Variants in IL23R observed in about 807,000 individuals in gnomAD.
The protein encoded by IL23R is interleukin-23 receptor.
IL23R carries 34 observed loss-of-function variants against 56.9 expected under a neutral mutation model. The ratio of observed to expected loss-of-function variants is 0.60; its 90% CI spans 0.45 to 0.80. IL23R has a LOEUF of 0.80. Among genes scored for constraint, IL23R ranks in the 30% least tolerant of loss-of-function variants. The pLI, the probability that IL23R is intolerant of heterozygous loss-of-function variation, is 0.00. For synonymous variants in IL23R, 230 were observed against 249.2 expected, an observed-to-expected ratio of 0.92 and a Z score of 0.73; for missense variants, 635 against 730.0, an observed-to-expected ratio of 0.87 and a Z score of 1.50.
downstream of IL23R, among the ~76,000 whole-genome samples, chr1:67,261,019 T>A (rs1407306243): frequency 1.3e-5 from 2 of 152,226 alleles, no homozygotes; most frequent in East Asian, 3.8e-4. Context: ...AATCAAGCAG[T>A]TAATTTTAAA....
intron 7 of IL23R, among the ~76,000 whole-genome samples, chr1:67,223,580 A>G (rs1650436207): frequency 6.6e-6 from 1 of 152,162 alleles, no homozygotes; most frequent in Non-Finnish European, 1.5e-5. Flanking sequence ...TGTAAAAGCA[A>G]TGTAAGTTTA....
chr1:67,204,049 A>G (rs1179838741), intron 5 of IL23R, among the ~76,000 whole-genome samples: 2 of 152,214 alleles, frequency 1.3e-5, no homozygotes, highest in South Asian at 2.1e-4. Flanking sequence ...TATGACATCT[A>G]TAATAAAATT....
intron 3 of IL23R, among the ~76,000 whole-genome samples, chr1:67,175,599 G>A (rs1199039849): frequency 6.6e-6 from 1 of 152,110 alleles, no homozygotes; most frequent in Non-Finnish European, 1.5e-5. Flanking sequence ...TTCCTTTAGG[G>A]TCTGTCTTAC....
chr1:67,154,204 C>T (rs1394579865), intron 1 of IL23R, among the ~76,000 whole-genome samples: 2 of 152,132 alleles, frequency 1.3e-5, no homozygotes, highest in Non-Finnish European at 2.9e-5. Context: ...GAATAAGTGT[C>T]ATGTGGCACT....
chr1:67,169,538 T>C lies in IL23R; in HGVS notation c.267T>C (p.Tyr89=). The part of the protein sequence containing the change: ...RINKTTARLW[Y]KNFLEPHASM... ...ATAAAACAACAGCTCGGCTTTGGTA[T>C]AAAAACTTTCTGGAACCACATGCTT... The change falls in exon 3 of 11, where the codon TAT becomes TAC. Residue 89 remains tyrosine (Y), a synonymous_variant. Transcript: ENST00000347310. 1.2e-6 allele frequency: 2 copies of C among 1,613,986 alleles called. No homozygotes were observed. The highest frequency in any genetic ancestry group is 8.5e-7 in the Non-Finnish European group (1 of 1,179,832).
chr1:67,222,102 C>CTTTTTTTTTTTTTTTTTTTTTTTTTTTTT (rs72241835), intron 7 of IL23R, among the ~76,000 whole-genome samples: 4 of 58,898 alleles, frequency 6.8e-5, no homozygotes, highest in East Asian at 6.0e-4. Context: ...TTCTTTCTTT[C>CTTTTTTTTTTTTTTTTTTTTTTTTTTTTT]TTTTTTTTTT....
intron 9 of IL23R, among the ~76,000 whole-genome samples, chr1:67,243,634 T>C (rs1042893995): frequency 6.6e-6 from 1 of 152,230 alleles, no homozygotes; most frequent in South Asian, 2.1e-4. Flanking sequence ...GCAAAGGACA[T>C]GAACTCATCC....
chr1:67,144,629 G>A (rs1451468521), intron 1 of IL23R, among the ~76,000 whole-genome samples: 2 of 152,068 alleles, frequency 1.3e-5, no homozygotes, highest in African/African-American at 2.4e-5. Context: ...ATTCTAGAAC[G>A]ATTGATACTC....
intron 4 of IL23R, 151 bp from the exon 5 acceptor site, chr1:67,200,586 T>G: frequency 1.6e-6 from 1 of 638,826 alleles, no homozygotes; most frequent in South Asian, 1.8e-5. Flanking sequence ...GGTTTCACCA[T>G]GTTGGCCAGG....
intron 9 of IL23R, among the ~76,000 whole-genome samples, chr1:67,249,476 G>A (rs556896840): frequency 1.3e-5 from 2 of 151,960 alleles, no homozygotes; most frequent in South Asian, 2.1e-4. Context: ...CAATTCACAA[G>A]GAAATGTGGT....
intron 4 of IL23R, among the ~76,000 whole-genome samples, chr1:67,189,187 T>C (rs1269740329): frequency 1.3e-5 from 2 of 152,142 alleles, no homozygotes; most frequent in African/African-American, 4.8e-5. Context: ...AGGCTTAATG[T>C]GGGCAAGAAT....
chr1:67,228,926 T>C (rs1650918723), intron 7 of IL23R, among the ~76,000 whole-genome samples: 1 of 152,222 alleles, frequency 6.6e-6, no homozygotes, highest in Admixed American at 6.5e-5. Flanking sequence ...ATAAGGTAAC[T>C]GAGTAGAAAG....
chr1:67,255,423 C>T (rs1652886473), intron 9 of IL23R, among the ~76,000 whole-genome samples: 1 of 152,090 alleles, frequency 6.6e-6, no homozygotes, highest in South Asian at 2.1e-4. Context: ...GCCTCGGCAT[C>T]AGGAAGTTTG....
At chr1:67,201,069 C>T (rs1285258298) in intron 5 of IL23R, among the ~76,000 whole-genome samples, 172 bp downstream of exon 5, 2 of 152,098 alleles carry the variant, frequency 1.3e-5, no homozygotes, top group African/African-American at 4.8e-5. Context: ...ATGAGTAGTG[C>T]TGCTGCCATT....
chr1:67,156,042 C>T (rs764107938), intron 1 of IL23R, among the ~76,000 whole-genome samples: 1 of 152,144 alleles, frequency 6.6e-6, no homozygotes, highest in Non-Finnish European at 1.5e-5. Context: ...TTCTAACAGT[C>T]AGGTCCCTCT....
intron 6 of IL23R, among the ~76,000 whole-genome samples, chr1:67,208,397 C>T (rs1190745817): frequency 6.6e-6 from 1 of 152,192 alleles, no homozygotes; most frequent in East Asian, 1.9e-4. Flanking sequence ...GCAGCCCCTC[C>T]CATCACGGGC....
chr1:67,209,756 T>C (rs112033776), intron 6 of IL23R, among the ~76,000 whole-genome samples: 69 of 152,366 alleles, frequency 4.5e-4, no homozygotes, highest in Middle Eastern at 3.4e-3. Context: ...TTTCTGTTCC[T>C]GTGTTAATTC....
chr1:67,200,102 T>C (rs7545884), intron 4 of IL23R, among the ~76,000 whole-genome samples: 64,174 of 151,964 alleles, frequency 0.42, 13,911 homozygotes, highest in African/African-American at 0.5. Context: ...TGCAGTGGTG[T>C]GATCTCGGCT....
chr1:67,228,550 C>T (rs1650895866), intron 7 of IL23R, among the ~76,000 whole-genome samples: 1 of 151,916 alleles, frequency 6.6e-6, no homozygotes, highest in Non-Finnish European at 1.5e-5. Flanking sequence ...TTTCCTATTA[C>T]TACTGTCACA....
Sources: allele counts gnomAD v4.1 joint callset (sites outside exome capture counted in the v4.1 genomes callset), GRCh38; gene constraint gnomAD v4.1.1; transcripts MANE v1.5; gene names NCBI Gene and HGNC (gene_info 2026-07-23, HGNC 2026-07-21).